Variants in GPR15LG observed in about 807,000 individuals in gnomAD.
The protein encoded by GPR15LG is protein GPR15LG.
At chr10:84,180,893 C>T in the GPR15LG span, among the ~76,000 whole-genome samples, 1 of 152,184 alleles carries the variant, frequency 6.6e-6, no homozygotes, top group Non-Finnish European at 1.5e-5. Context: ...GAGACAAGCC[C>T]GGCCAACATG....
the GPR15LG span, among the ~76,000 whole-genome samples, chr10:84,183,466 T>C: frequency 2.0e-5 from 3 of 152,234 alleles, no homozygotes; most frequent in Non-Finnish European, 2.9e-5. Context: ...CCTTTGTTTT[T>C]CGTACAAACG....
the GPR15LG span, among the ~76,000 whole-genome samples, chr10:84,178,331 A>G: frequency 6.6e-6 from 1 of 151,534 alleles, no homozygotes; most frequent in African/African-American, 2.4e-5. Context: ...CACTACACAC[A>G]ATCATACACA....
the GPR15LG span, among the ~76,000 whole-genome samples, chr10:84,178,102 A>G: frequency 6.6e-6 from 1 of 151,814 alleles, no homozygotes; most frequent in Non-Finnish European, 1.5e-5. Context: ...ACACACAGAA[A>G]CACAGCATAT....
the GPR15LG span, among the ~76,000 whole-genome samples, chr10:84,174,579 C>T: frequency 3.3e-5 from 5 of 150,254 alleles, no homozygotes; most frequent in East Asian, 2.0e-4. Flanking sequence ...CTGCAATCTC[C>T]GCCTCCTGGG....
At chr10:84,178,344 T>C in the GPR15LG span, among the ~76,000 whole-genome samples, 1 of 150,284 alleles carries the variant, frequency 6.7e-6, no homozygotes, top group South Asian at 2.1e-4. Context: ...CATACACACA[T>C]AGACACATGC....
At chr10:84,180,814 C>A in the GPR15LG span, among the ~76,000 whole-genome samples, 3 of 152,204 alleles carry the variant, frequency 2.0e-5, no homozygotes, top group South Asian at 6.2e-4. Context: ...ACTGAGTGAA[C>A]GAGACTCCGT....
the GPR15LG span, chr10:84,174,042 C>T: frequency 7.1e-5 from 54 of 761,778 alleles, no homozygotes; most frequent in East Asian, 3.2e-4. Context: ...TCCTGAGCCC[C>T]GGAAAGATGG....
the GPR15LG span, among the ~76,000 whole-genome samples, chr10:84,174,845 C>T: frequency 6.6e-6 from 1 of 152,150 alleles, no homozygotes; most frequent in South Asian, 2.1e-4. Context: ...TTGTCTAACC[C>T]TCTAGAAACT....
At chr10:84,177,764 G>A in the GPR15LG span, among the ~76,000 whole-genome samples, 1 of 152,318 alleles carries the variant, frequency 6.6e-6, no homozygotes, top group African/African-American at 2.4e-5. Context: ...GGTGAGCGCA[G>A]GCTGTGGCTC....
At chr10:84,182,790 C>T in the GPR15LG span, among the ~76,000 whole-genome samples, 1 of 152,074 alleles carries the variant, frequency 6.6e-6, no homozygotes, top group Admixed American at 6.6e-5. Flanking sequence ...GAATTGCAAC[C>T]ATATTTGCAA....
chr10:84,181,589 CTT>C, the GPR15LG span, among the ~76,000 whole-genome samples: 4 of 152,130 alleles, frequency 2.6e-5, no homozygotes, highest in Non-Finnish European at 5.9e-5. Context: ...ACTCAGCTAA[CTT>C]TTCTATTTTT....
the GPR15LG span, among the ~76,000 whole-genome samples, chr10:84,183,324 T>C: frequency 6.6e-6 from 1 of 152,186 alleles, no homozygotes; most frequent in Non-Finnish European, 1.5e-5. Flanking sequence ...TGAATTTAAA[T>C]AATCTGGCTC....
At chr10:84,182,114 C>T in the GPR15LG span, among the ~76,000 whole-genome samples, 1 of 152,184 alleles carries the variant, frequency 6.6e-6, no homozygotes, top group Non-Finnish European at 1.5e-5. Flanking sequence ...TTGTCTCTGC[C>T]TTCAGGAAGG....
chr10:84,174,487 C>CTTTTTCT, the GPR15LG span, among the ~76,000 whole-genome samples: 7 of 108,850 alleles, frequency 6.4e-5, no homozygotes, highest in Non-Finnish European at 9.8e-5. Flanking sequence ...GCCCTTTTTT[C>CTTTTTCT]TTTTTTCTTT....
chr10:84,173,852 A>T, the GPR15LG span: 1 of 1,612,480 alleles, frequency 6.2e-7, no homozygotes, highest in South Asian at 1.1e-5. Context: ...CCTTCTCACC[A>T]TGAGGCTTCT....
chr10:84,173,802 C>A, the GPR15LG span: 1 of 1,343,884 alleles, frequency 7.4e-7, no homozygotes, highest in Non-Finnish European at 1.1e-6. Context: ...CAAGGGAGGA[C>A]TTCTGCAGCA....
At chr10:84,182,090 C>T in the GPR15LG span, among the ~76,000 whole-genome samples, 1 of 152,216 alleles carries the variant, frequency 6.6e-6, no homozygotes, top group South Asian at 2.1e-4. Flanking sequence ...AGAGATTCCT[C>T]CCTCGCCATA....
the GPR15LG span, among the ~76,000 whole-genome samples, chr10:84,176,061 T>C: frequency 6.6e-6 from 1 of 151,872 alleles, no homozygotes; most frequent in Non-Finnish European, 1.5e-5. Context: ...GCTGATTTTG[T>C]ATTTTTAGTA....
At chr10:84,177,049 A>T in the GPR15LG span, among the ~76,000 whole-genome samples, 3 of 152,228 alleles carry the variant, frequency 2.0e-5, no homozygotes. Flanking sequence ...ACAGATCAGC[A>T]TGCAGGTCAC....
Sources: gnomAD v4.1 joint callset for allele counts (sites outside exome capture counted in the v4.1 genomes callset) on GRCh38, gnomAD v4.1.1 for gene constraint, MANE v1.5 for transcripts, NCBI Gene and HGNC (gene_info 2026-07-23, HGNC 2026-07-21) for gene names.